The following PDZRN4 variants were observed in gnomAD, a reference collection of about 807,000 sequenced individuals.
The protein encoded by PDZRN4 is PDZ domain-containing RING finger protein 4.
Under a neutral mutation model 99.0 loss-of-function variants are expected in PDZRN4, and 70 were observed. The observed-to-expected ratio is 0.71, with a 90% confidence interval of 0.58 to 0.86. PDZRN4 has a LOEUF of 0.86. PDZRN4 is among the 40% of genes least tolerant of loss of function. The pLI is 0.00. For missense variants in PDZRN4, 1,474 were observed against 1,331.2 expected (o/e 1.11, Z -1.67); for synonymous variants, 551 against 501.6 (o/e 1.10, Z -1.32).
In PDZRN4 at chr12:41,263,282, G is replaced by T. The variant is rs542180846; in HGVS notation, c.843+69094G>T. ...AAGAAAATGAAAATAGTTGGGCGCG[G>T]TTGCTCATGCCTGTAATCCCAGCAC... On this transcript the variant is annotated intron_variant, in intron 3 of 9. Coordinates refer to ENST00000402685, the MANE Select transcript of PDZRN4 (RefSeq NM_001164595.2). Among the ~76,000 whole-genome samples the T allele has an allele frequency of 8.5e-5, 13 of 152,286 alleles. No homozygotes were observed. The East Asian group carries it at 2.3e-3, about 27-fold the overall frequency.
At chr12:41,192,213 C>T (rs1370943068) in intron 2 of PDZRN4, among the ~76,000 whole-genome samples, 1 of 152,178 alleles carries the variant, frequency 6.6e-6, no homozygotes, top group Non-Finnish European at 1.5e-5. Flanking sequence ...AATTGATTCT[C>T]CTGCCTCAAC....
intron 3 of PDZRN4, among the ~76,000 whole-genome samples, chr12:41,384,134 T>G (rs1952148005): frequency 6.6e-6 from 1 of 151,856 alleles, no homozygotes; most frequent in African/African-American, 2.4e-5. Flanking sequence ...CTTTTCTGAC[T>G]TTTTTTGAGA....
intron 3 of PDZRN4, among the ~76,000 whole-genome samples, chr12:41,271,100 A>T (rs1483522181): frequency 1.3e-5 from 2 of 152,030 alleles, no homozygotes; most frequent in Non-Finnish European, 2.9e-5. Context: ...TATTATCTAA[A>T]CCTCAATGTA....
chr12:41,422,443 C>T (rs927366341), intron 3 of PDZRN4, among the ~76,000 whole-genome samples: 4 of 152,062 alleles, frequency 2.6e-5, no homozygotes, highest in African/African-American at 9.7e-5. Flanking sequence ...TTTCACACTG[C>T]TATAAAGATA....
chr12:41,302,964 TCACA>T (rs1277660036), intron 3 of PDZRN4, among the ~76,000 whole-genome samples: 3 of 136,888 alleles, frequency 2.2e-5, no homozygotes, highest in Admixed American at 7.2e-5. Context: ...ACACACACAC[TCACA>T]CACACACAAA....
chr12:41,519,329 G>T (rs1479550116), intron 5 of PDZRN4, among the ~76,000 whole-genome samples: 1 of 152,032 alleles, frequency 6.6e-6, no homozygotes, highest in Non-Finnish European at 1.5e-5. Context: ...GTGCTTTAGA[G>T]ATCACCTCTA....
At chr12:41,201,963 G>A (rs1283531545) in intron 3 of PDZRN4, among the ~76,000 whole-genome samples, 1 of 152,154 alleles carries the variant, frequency 6.6e-6, no homozygotes, top group Non-Finnish European at 1.5e-5. Context: ...CAGAAGGTTA[G>A]TTATTGAACT....
intron 3 of PDZRN4, among the ~76,000 whole-genome samples, chr12:41,324,626 T>C (rs1951699341): frequency 6.6e-6 from 1 of 152,106 alleles, no homozygotes; most frequent in African/African-American, 2.4e-5. Context: ...ATGGTGTGTA[T>C]TTCTATAAAT....
At position 41,453,076 on chromosome 12, in the gene PDZRN4, G is replaced by A. The variant is rs576552151; in HGVS notation, c.844-53380G>A. ...CTGGAATGGCCTGTCAGAGTTGTCC[G>A]GAGCCAGGCAAAAGAGCCATGCCAT... On this transcript the variant is annotated intron_variant, in intron 3 of 9. Coordinates refer to ENST00000402685, the MANE Select transcript of PDZRN4 (RefSeq NM_001164595.2). 2.0e-5 allele frequency among the ~76,000 whole-genome samples: 3 copies of A among 152,258 alleles called. No homozygotes were observed. The South Asian group carries it at 6.2e-4, about 32-fold the overall frequency.
At chr12:41,246,820 A>C (rs1951136715) in intron 3 of PDZRN4, among the ~76,000 whole-genome samples, 2 of 152,196 alleles carry the variant, frequency 1.3e-5, no homozygotes, top group South Asian at 4.1e-4. Context: ...CAGTGAAGAA[A>C]ATGACCTCTG....
In PDZRN4 at chr12:41,188,923, C is replaced by T; in HGVS notation, c.468C>T (p.Arg156=). The change falls in exon 1 of 10, where the codon CGC becomes CGT. Residue 156 remains arginine (R), a synonymous_variant. Coordinates refer to ENST00000402685, the MANE Select transcript of PDZRN4 (RefSeq NM_001164595.2). The part of the protein sequence containing the change: ...RGGPPGGRWG[R]GRGPGPRVLA... ...GGCCGCCGGGCGGCCGCTGGGGCCG[C>T]GGGCGGGGACCCGGGCCTCGGGTCC... The T allele has an allele frequency of 8.5e-7, 1 of 1,179,956 alleles. No homozygotes were observed. 73.1% of individuals were successfully genotyped at this position (1,179,956 alleles called of 1,614,324 possible). A position where few individuals can be genotyped will look rare whatever the true frequency, so the allele number is the denominator to read the frequency against.
At chr12:41,537,786 A>G (rs1266051207) in intron 5 of PDZRN4, among the ~76,000 whole-genome samples, 1 of 152,202 alleles carries the variant, frequency 6.6e-6, no homozygotes, top group Admixed American at 6.5e-5. Flanking sequence ...GGGGGAAAAG[A>G]TAACCCTGAA....
chr12:41,455,013 T>C (rs1952806497), intron 3 of PDZRN4, among the ~76,000 whole-genome samples: 1 of 152,250 alleles, frequency 6.6e-6, no homozygotes, highest in South Asian at 2.1e-4. Context: ...TTGCCACATG[T>C]GGCTAGACTA....
At position 41,436,178 on chromosome 12, in the gene PDZRN4, C is replaced by T. The variant is rs545435324; in HGVS notation, c.844-70278C>T. On this transcript the variant is annotated intron_variant, in intron 3 of 9. Coordinates refer to ENST00000402685, the MANE Select transcript of PDZRN4 (RefSeq NM_001164595.2). ...TCCTGGAGAACTTTTTTCACACACACTGTTCCCAATTATGATGCCACTTTC... is the reference window on the plus strand; with the variant it reads ...TCCTGGAGAACTTTTTTCACACACATTGTTCCCAATTATGATGCCACTTTC... 3.9e-5 allele frequency among the ~76,000 whole-genome samples: 6 copies of T among 152,290 alleles called. No individual in the cohort carries two copies. The South Asian group carries it at 1.0e-3, about 26-fold the overall frequency.
chr12:41,411,754 C>T (rs1277791707), intron 3 of PDZRN4: 1 of 152,194 alleles, frequency 6.6e-6, no homozygotes, highest in Non-Finnish European at 1.5e-5. Flanking sequence ...TTACAAGGCC[C>T]TGTAGTAAAC....
chr12:41,398,882 C>T (rs773229313), intron 3 of PDZRN4, among the ~76,000 whole-genome samples: 2 of 152,136 alleles, frequency 1.3e-5, no homozygotes, highest in Non-Finnish European at 2.9e-5. Flanking sequence ...TAATCTGAAA[C>T]TCTTCCCTTA....
chr12:41,492,394 T>C (rs1937905079), intron 3 of PDZRN4, among the ~76,000 whole-genome samples: 1 of 152,154 alleles, frequency 6.6e-6, no homozygotes, highest in African/African-American at 2.4e-5. Flanking sequence ...AAGAGCAAAA[T>C]TATGCTGTTC....
At chr12:41,331,516 G>A (rs1358173392) in intron 3 of PDZRN4, among the ~76,000 whole-genome samples, 2 of 151,828 alleles carry the variant, frequency 1.3e-5, no homozygotes, top group African/African-American at 4.8e-5. Context: ...GTGAAAGGAG[G>A]GAAAAAAAGA....
chr12:41,439,737 C>T lies in PDZRN4; in HGVS notation c.844-66719C>T, dbSNP rs555913821. ...CTCCTCCATATATTTATTTTATTTT[C>T]TCTACTCCTGAGTTGCAGTACTTAT... On this transcript the variant is annotated intron_variant, in intron 3 of 9. Coordinates refer to ENST00000402685, the MANE Select transcript of PDZRN4 (RefSeq NM_001164595.2). Among the ~76,000 whole-genome samples, 263 of 152,172 alleles carry T rather than the reference C, an allele frequency of 1.7e-3. 2 individuals are homozygous for T. Among genetic ancestry groups the T allele is most frequent in the African/African-American group, 6.0e-3 (250 of 41,514 alleles).
Sources: allele counts gnomAD v4.1 joint callset (sites outside exome capture counted in the v4.1 genomes callset), GRCh38; gene constraint gnomAD v4.1.1; transcripts MANE v1.5; gene names NCBI Gene and HGNC (gene_info 2026-07-23, HGNC 2026-07-21).